SH2D4B: variants seen among roughly 807,000 people sequenced by gnomAD.
SH2D4B encodes SH2 domain-containing protein 4B.
A neutral mutation model predicts 61.5 loss-of-function variants in SH2D4B; 45 were observed. The observed-to-expected ratio is 0.73, with a 90% CI of 0.58 to 0.94. The LOEUF is 0.94. Ranked by LOEUF, SH2D4B falls within the 40% of genes least tolerant of loss-of-function variation. The pLI, the probability that SH2D4B is intolerant of heterozygous loss-of-function variation, is 0.00. For missense variants in SH2D4B, 572 were observed against 574.2 expected (o/e 1.00, Z 0.04); for synonymous variants, 224 against 220.4 (o/e 1.02, Z -0.14).
intron 6 of SH2D4B, among the ~76,000 whole-genome samples, chr10:80,616,191 G>A (rs753554444): frequency 2.6e-5 from 4 of 152,098 alleles, no homozygotes; most frequent in Non-Finnish European, 5.9e-5. Context: ...TAGGGGTAAC[G>A]CAGGGGCCAT....
intron 6 of SH2D4B, among the ~76,000 whole-genome samples, chr10:80,622,645 C>T (rs184758258): frequency 6.6e-6 from 1 of 152,236 alleles, no homozygotes; most frequent in African/African-American, 2.4e-5. Context: ...ATGGTGGGCT[C>T]CTTGCACTCA....
rs1490717447 is a variant in SH2D4B at position 80,645,509 on chromosome 10, G to T, written c.*1424G>T. On this transcript the variant is annotated 3_prime_UTR_variant, in exon 8 of 8. Transcript: ENST00000646907. ...AATGGGAGTCATAGGCTGGTAGATC[G>T]CTTTTTCCTCCTTCTTCCTCCTGGA... 1 of 152,180 alleles carries T rather than the reference G, an allele frequency of 6.6e-6. No individual in the cohort carries two copies. Among genetic ancestry groups the T allele is most frequent in the East Asian group, 1.9e-4 (1 of 5,202 alleles). 9.4% of individuals were successfully genotyped at this position (152,180 alleles called of 1,614,324 possible). A position where few individuals can be genotyped will look rare whatever the true frequency, so the allele number is the denominator to read the frequency against.
chr10:80,542,490 C>T (rs138437206), intron 1 of SH2D4B, among the ~76,000 whole-genome samples: 76 of 147,372 alleles, frequency 5.2e-4, no homozygotes, highest in African/African-American at 1.7e-3. Flanking sequence ...TTCTGCCTCC[C>T]GGGTTCAAGC....
intron 3 of SH2D4B, among the ~76,000 whole-genome samples, chr10:80,576,648 G>C (rs551603617): frequency 6.6e-6 from 1 of 152,202 alleles, no homozygotes; most frequent in Admixed American, 6.5e-5. Flanking sequence ...TGGGATTTGC[G>C]GCAAATTGTT....
rs566571840 is a variant in SH2D4B, at chr10:80,606,402, G to A, written c.860+2607G>A. Among the ~76,000 whole-genome samples the A allele has an allele frequency of 1.7e-4, 26 of 152,030 alleles. No individual in the cohort carries two copies. In the South Asian group the frequency reaches 3.9e-3, roughly 23 times the overall value. On this transcript the variant is annotated intron_variant, in intron 5 of 7. Coordinates refer to ENST00000646907, the MANE Select transcript of SH2D4B (RefSeq NM_001388272.1). ...TCTGTCACCCAGGCTGGAGTGCAGTGGTGGTCCGATCCTGGCTCACTGCAA... is the reference window on the plus strand; with the variant it reads ...TCTGTCACCCAGGCTGGAGTGCAGTAGTGGTCCGATCCTGGCTCACTGCAA...
rs565766642 is a variant in SH2D4B, at chr10:80,592,308, T to C, written c.643+3531T>C. Among the ~76,000 whole-genome samples, 91 of 152,342 alleles carry C rather than the reference T, an allele frequency of 6.0e-4. 1 individual carries two copies. The highest frequency in any genetic ancestry group is 6.8e-3 in the Middle Eastern group (2 of 294). Reference sequence around the variant, plus strand: ...TTATCAGAGATATGGTTTGCAAATATTTTCTCATATTCTTTGGAGTTGTCT... The same window carrying C: ...TTATCAGAGATATGGTTTGCAAATACTTTCTCATATTCTTTGGAGTTGTCT... On this transcript the variant is annotated intron_variant, in intron 4 of 7. Transcript: ENST00000646907.
At chr10:80,583,081 C>A (rs182937447) in intron 3 of SH2D4B, among the ~76,000 whole-genome samples, 1 of 152,190 alleles carries the variant, frequency 6.6e-6, no homozygotes, top group African/African-American at 2.4e-5. Flanking sequence ...CATCAGACTG[C>A]CGAGAAAAAC....
At chr10:80,573,229 G>A (rs559596145) in intron 3 of SH2D4B, among the ~76,000 whole-genome samples, 97 of 148,378 alleles carry the variant, frequency 6.5e-4, no homozygotes, top group Admixed American at 5.5e-3. Context: ...CTCGTGATCC[G>A]CCCACCTCGG....
At chr10:80,541,202 A>C (rs1841574022) in intron 1 of SH2D4B, among the ~76,000 whole-genome samples, 1 of 152,222 alleles carries the variant, frequency 6.6e-6, no homozygotes, top group Admixed American at 6.5e-5. Context: ...CCCCTGGGTT[A>C]CTGTCTCCTT....
chr10:80,553,533 C>A (rs552164992), intron 1 of SH2D4B, among the ~76,000 whole-genome samples: 1 of 152,286 alleles, frequency 6.6e-6, no homozygotes, highest in East Asian at 1.9e-4. Context: ...GACAGTTACA[C>A]CAAGTCCTGC....
At position 80,645,920 on chromosome 10, in the gene SH2D4B, GATTATCATTAAA is replaced by G. The variant is rs1278005348; in HGVS notation, c.*1851_*1862del. On this transcript the variant is annotated 3_prime_UTR_variant, in exon 8 of 8. Transcript: ENST00000646907. ...TTCTGAACTCTAATGTGCCTTCATT[GATTATCATTAAA>G]ATTATCATTAAAATTGCCTTATTTC... 1 of 152,138 alleles carries G rather than the reference GATTATCATTAAA, an allele frequency of 6.6e-6. No individual in the cohort carries two copies. Among genetic ancestry groups the G allele is most frequent in the African/African-American group, 2.4e-5 (1 of 41,416 alleles). 9.4% of individuals were successfully genotyped at this position (152,138 alleles called of 1,614,324 possible). A position where few individuals can be genotyped will look rare whatever the true frequency, so the allele number is the denominator to read the frequency against.
chr10:80,607,924 T>G (rs1160728539), intron 5 of SH2D4B, among the ~76,000 whole-genome samples: 1 of 152,080 alleles, frequency 6.6e-6, no homozygotes, highest in Non-Finnish European at 1.5e-5. Flanking sequence ...TGAGACAGAG[T>G]CTTGCTCTGT....
At chr10:80,572,986 ATTTTTTTTTTTTTTTT>A (rs61401607) in intron 3 of SH2D4B, among the ~76,000 whole-genome samples, 1 of 8,874 alleles carries the variant, frequency 1.1e-4, no homozygotes, top group Non-Finnish European at 2.0e-4. Context: ...ATATATATAT[ATTTTTTTTTTTTTTTT>A]TTTTTTTTTT....
At chr10:80,638,722 CT>C (rs1334286589) in intron 7 of SH2D4B, among the ~76,000 whole-genome samples, 4 of 152,270 alleles carry the variant, frequency 2.6e-5, no homozygotes, top group African/African-American at 9.6e-5. Context: ...TTTTGTCGAT[CT>C]TTTCAAAAAA....
chr10:80,588,368 C>A (rs1391777106), intron 3 of SH2D4B, among the ~76,000 whole-genome samples: 1 of 152,102 alleles, frequency 6.6e-6, no homozygotes, highest in Non-Finnish European at 1.5e-5. Flanking sequence ...CCTGAGGGAT[C>A]CTTTCCTGAG....
chr10:80,551,536 A>G (rs1340359672), intron 1 of SH2D4B, among the ~76,000 whole-genome samples: 1 of 152,038 alleles, frequency 6.6e-6, no homozygotes, highest in African/African-American at 2.4e-5. Context: ...AAAATGAAGG[A>G]AAAAAAATGA....
chr10:80,564,273 A>T (rs1841940261), intron 1 of SH2D4B, among the ~76,000 whole-genome samples: 1 of 152,212 alleles, frequency 6.6e-6, no homozygotes, highest in Non-Finnish European at 1.5e-5. Flanking sequence ...AAATGTTTTC[A>T]AGTTTCCAAG....
intron 1 of SH2D4B, among the ~76,000 whole-genome samples, chr10:80,565,807 G>C (rs1318233432): frequency 6.6e-6 from 1 of 151,960 alleles, no homozygotes; most frequent in Admixed American, 6.6e-5. Flanking sequence ...AGAGTGAAGA[G>C]TGGCCGGGCG....
chr10:80,542,109 G>A (rs1017181971), intron 1 of SH2D4B, among the ~76,000 whole-genome samples: 1 of 152,150 alleles, frequency 6.6e-6, no homozygotes, highest in Non-Finnish European at 1.5e-5. Context: ...TTGAGACTCA[G>A]AGAAGGCATG....
Sources: gnomAD v4.1 joint callset for allele counts (sites outside exome capture counted in the v4.1 genomes callset) on GRCh38, gnomAD v4.1.1 for gene constraint, MANE v1.5 for transcripts, NCBI Gene and HGNC (gene_info 2026-07-23, HGNC 2026-07-21) for gene names.